KDM7A: variants seen among roughly 807,000 people sequenced by gnomAD.
The protein encoded by KDM7A is lysine-specific demethylase 7A.
Under a neutral mutation model 114.8 loss-of-function variants are expected in KDM7A, and 28 were observed. The observed-to-expected ratio is 0.24, with a 90% confidence interval of 0.18 to 0.33. The LOEUF (loss-of-function observed/expected upper bound fraction) is 0.33. Ranked by LOEUF, KDM7A falls within the 10% of genes least tolerant of loss-of-function variation. The pLI is 1.00. For missense variants in KDM7A, 942 were observed against 1,142.5 expected, an observed-to-expected ratio of 0.82 and a Z score of 2.53; for synonymous variants, 423 against 397.8, an observed-to-expected ratio of 1.06 and a Z score of -0.75.
chr7:140,124,511 A>C, intron 7 of KDM7A, 110 bp downstream of exon 7: 1 of 691,350 alleles, frequency 1.4e-6, no homozygotes, highest in South Asian at 2.8e-5. Flanking sequence ...TTTCTTAACA[A>C]ATGTCATAAA....
chr7:140,133,460 T>C (rs1439727548), intron 3 of KDM7A, 79 bp downstream of exon 3: 7 of 794,186 alleles, frequency 8.8e-6, no homozygotes, highest in African/African-American at 5.2e-5. Flanking sequence ...TTTGAAAACA[T>C]TGCCTTTATA....
At chr7:140,099,752 A>G in intron 13 of KDM7A, 147 bp downstream of exon 13, 1 of 672,648 alleles carries the variant, frequency 1.5e-6, no homozygotes, top group East Asian at 2.7e-5. Context: ...CAACAGTTTA[A>G]TCCCAAAACC....
chr7:140,103,304 TCC>T, intron 11 of KDM7A, among the ~76,000 whole-genome samples: 1 of 140,104 alleles, frequency 7.1e-6, no homozygotes, highest in Middle Eastern at 3.9e-3. Flanking sequence ...TGTCAGCATT[TCC>T]TTTTTTTTTT....
chr7:140,116,282 G>C (rs1283494183), intron 9 of KDM7A, among the ~76,000 whole-genome samples: 2 of 150,548 alleles, frequency 1.3e-5, no homozygotes, highest in Admixed American at 1.3e-4. Flanking sequence ...GTATATCATA[G>C]TATATTCATA....
chr7:140,114,608 A>C (rs1298417841), intron 9 of KDM7A, among the ~76,000 whole-genome samples: 1 of 152,034 alleles, frequency 6.6e-6, no homozygotes, highest in Non-Finnish European at 1.5e-5. Context: ...GGAAGTGAGG[A>C]GCGTCTCTGA....
intron 1 of KDM7A, among the ~76,000 whole-genome samples, chr7:140,140,518 G>A (rs1794254620): frequency 6.6e-6 from 1 of 152,080 alleles, no homozygotes; most frequent in Non-Finnish European, 1.5e-5. Flanking sequence ...GTTCACACCC[G>A]TAATCCCAGC....
intron 1 of KDM7A, among the ~76,000 whole-genome samples, chr7:140,157,356 T>C (rs531484374): frequency 6.6e-6 from 1 of 152,312 alleles, no homozygotes; most frequent in East Asian, 1.9e-4. Context: ...GACTACACCA[T>C]TATGTGAAAA....
At chr7:140,153,011 C>T (rs913074225) in intron 1 of KDM7A, among the ~76,000 whole-genome samples, 1 of 151,814 alleles carries the variant, frequency 6.6e-6, no homozygotes, top group Non-Finnish European at 1.5e-5. Flanking sequence ...AGGCACGCGC[C>T]ACCACACCCA....
intron 1 of KDM7A, among the ~76,000 whole-genome samples, chr7:140,153,983 C>G (rs1794430142): frequency 6.6e-6 from 1 of 152,174 alleles, no homozygotes; most frequent in African/African-American, 2.4e-5. Context: ...AACTGAAGAA[C>G]AGACGCGTGC....
At chr7:140,125,214 A>G (rs1296309478) in intron 6 of KDM7A, among the ~76,000 whole-genome samples, 3 of 152,242 alleles carry the variant, frequency 2.0e-5, no homozygotes, top group African/African-American at 7.2e-5. Flanking sequence ...ATTCTTTGCT[A>G]CTTCATGAAG....
intron 1 of KDM7A, among the ~76,000 whole-genome samples, chr7:140,153,428 G>A (rs1307593903): frequency 6.6e-6 from 1 of 151,700 alleles, no homozygotes; most frequent in Non-Finnish European, 1.5e-5. Context: ...GGAGCTTGCA[G>A]TGAGCCGAGA....
At chr7:140,170,032 G>A (rs1794621182) in intron 1 of KDM7A, among the ~76,000 whole-genome samples, 1 of 152,088 alleles carries the variant, frequency 6.6e-6, no homozygotes. Flanking sequence ...CAATAAATGA[G>A]CTTTTTGTTT....
In KDM7A at chr7:140,175,013, T is replaced by C. The variant is rs546315901; in HGVS notation, c.194+1731A>G. ...ATAATCACCAGGGATTCTGATTTTA[T>C]TCTATATAGAACCTAAATGTTCGGA... On this transcript the variant is annotated intron_variant, in intron 1 of 19. Coordinates refer to ENST00000397560, the MANE Select transcript of KDM7A (RefSeq NM_030647.2). Among the ~76,000 whole-genome samples the C allele has an allele frequency of 8.5e-5, 13 of 152,380 alleles. No individual in the cohort carries two copies. In the South Asian group the frequency reaches 2.7e-3, roughly 32 times the overall value.
Position 140,087,423 on chromosome 7 carries a change from T to C in KDM7A, c.*3671A>G, listed in dbSNP as rs780635396. 1 of 152,250 alleles carries C rather than the reference T, an allele frequency of 6.6e-6. No individual in the cohort carries two copies. The highest frequency in any genetic ancestry group is 2.4e-5 in the African/African-American group (1 of 41,474). The allele number at this position is 152,250 out of a possible 1,614,324, so 9.4% of individuals were successfully genotyped here. ...TTTTAATCCAGCACCTTGTTGGAGA[T>C]TCCTCGGATTTTTAAAGTAGCATGC... On this transcript the variant is annotated 3_prime_UTR_variant, in exon 20 of 20. Transcript: ENST00000397560.
chr7:140,142,870 C>A (rs1179790705), intron 1 of KDM7A, among the ~76,000 whole-genome samples: 1 of 151,448 alleles, frequency 6.6e-6, no homozygotes, highest in Non-Finnish European at 1.5e-5. Context: ...ACAGTATATT[C>A]TCATAACAGA....
In KDM7A at chr7:140,132,396, G is replaced by GA. The variant is rs10716278; in HGVS notation, c.398+1142dup. Among the ~76,000 whole-genome samples the GA allele has an allele frequency of 8.6e-5, 13 of 151,022 alleles. No homozygotes were observed. The South Asian group carries it at 2.5e-3, about 29-fold the overall frequency. On this transcript the variant is annotated intron_variant, in intron 3 of 19. Coordinates refer to ENST00000397560, the MANE Select transcript of KDM7A (RefSeq NM_030647.2). ...CATTTTTGTGTCAGAAACCTATTTA[G>GA]AAAAAAAAAGAAAGCTATAGCTCCT...
At chr7:140,123,559 CA>C (rs1818648992) in intron 7 of KDM7A, among the ~76,000 whole-genome samples, 1 of 152,160 alleles carries the variant, frequency 6.6e-6, no homozygotes, top group African/African-American at 2.4e-5. Context: ...ATTTGCATTA[CA>C]TACTTACCAG....
rs548653269 is a variant in KDM7A at position 140,116,699 on chromosome 7, A to C, written c.1246+2414T>G. 5.3e-5 allele frequency among the ~76,000 whole-genome samples: 8 copies of C among 149,540 alleles called. No individual in the cohort carries two copies. The South Asian group carries it at 1.7e-3, about 32-fold the overall frequency. On this transcript the variant is annotated intron_variant, in intron 9 of 19. Transcript: ENST00000397560. ...ATATAATCAACTATTTTAATAACATAATAAAGTAAATATAAACACACATCA... is the reference window on the plus strand; with the variant it reads ...ATATAATCAACTATTTTAATAACATCATAAAGTAAATATAAACACACATCA...
chr7:140,138,995 G>A lies in KDM7A; in HGVS notation c.280+110C>T, dbSNP rs557399829. On this transcript the variant is annotated intron_variant, in intron 2 of 19. Coordinates refer to ENST00000397560, the MANE Select transcript of KDM7A (RefSeq NM_030647.2). ...AAAATCTTTCCCTACAGTTCTTGAA[G>A]GGTGTAATATAACTCCTCAGAGTAT... The A allele has an allele frequency of 1.4e-5, 9 of 648,164 alleles. No homozygotes were observed. In the South Asian group the frequency reaches 1.7e-4, roughly 12 times the overall value. 40.2% of individuals were successfully genotyped at this position (648,164 alleles called of 1,614,324 possible).
Sources: gnomAD v4.1 joint callset for allele counts (sites outside exome capture counted in the v4.1 genomes callset) on GRCh38, gnomAD v4.1.1 for gene constraint, MANE v1.5 for transcripts, NCBI Gene and HGNC (gene_info 2026-07-23, HGNC 2026-07-21) for gene names.